PTPRD: variants seen among roughly 807,000 people sequenced by gnomAD.
PTPRD encodes the protein protein tyrosine phosphatase receptor type D, also known as receptor-type tyrosine-protein phosphatase delta.
A neutral mutation model predicts 214.5 loss-of-function variants in PTPRD; 34 were observed. The observed-to-expected ratio is 0.16, with a 90% CI of 0.12 to 0.21. The LOEUF is 0.21. Among genes scored for constraint, PTPRD ranks in the 10% least tolerant of loss-of-function variants. The pLI is 1.00. For synonymous variants in PTPRD, 1,128 were observed against 845.7 expected, an observed-to-expected ratio of 1.33 and a Z score of -5.79; for missense variants, 2,545 against 2,398.7, an observed-to-expected ratio of 1.06 and a Z score of -1.27.
intron 11 of PTPRD, among the ~76,000 whole-genome samples, chr9:8,973,366 T>C (rs2099250206): frequency 6.6e-6 from 1 of 152,076 alleles, no homozygotes; most frequent in Non-Finnish European, 1.5e-5. Context: ...ACCCCTAGCT[T>C]TAACCATGTT....
chr9:8,366,800 T>C (rs1362950145), intron 39 of PTPRD, among the ~76,000 whole-genome samples: 1 of 152,212 alleles, frequency 6.6e-6, no homozygotes, highest in East Asian at 1.9e-4. Flanking sequence ...CAAGTGTGAA[T>C]ACGAAGCAAT....
chr9:10,010,902 TC>T (rs2096585149), intron 4 of PTPRD, among the ~76,000 whole-genome samples: 1 of 151,808 alleles, frequency 6.6e-6, no homozygotes, highest in Non-Finnish European at 1.5e-5. Context: ...GAAAAAAAAA[TC>T]TAGGTAACAT....
At chr9:10,509,344 T>A (rs1258686180) in intron 2 of PTPRD, among the ~76,000 whole-genome samples, 1 of 151,648 alleles carries the variant, frequency 6.6e-6, no homozygotes, top group African/African-American at 2.4e-5. Flanking sequence ...TCATATTTGA[T>A]TCATAGATAT....
chr9:10,475,385 G>C (rs1202338293), intron 2 of PTPRD, among the ~76,000 whole-genome samples: 1 of 152,002 alleles, frequency 6.6e-6, no homozygotes, highest in Non-Finnish European at 1.5e-5. Flanking sequence ...GGAAAATGTA[G>C]AAGAAATGGA....
chr9:8,636,057 CT>C (rs2096422394), intron 13 of PTPRD, among the ~76,000 whole-genome samples: 1 of 152,176 alleles, frequency 6.6e-6, no homozygotes, highest in Non-Finnish European at 1.5e-5. Flanking sequence ...CAGAATAGTA[CT>C]TTAAAACACT....
chr9:10,271,581 C>T (rs1262257261), intron 3 of PTPRD, among the ~76,000 whole-genome samples: 3 of 146,704 alleles, frequency 2.0e-5, no homozygotes, highest in African/African-American at 5.0e-5. Flanking sequence ...CTTGCTCTGT[C>T]GCCCAGACCA....
intron 7 of PTPRD, among the ~76,000 whole-genome samples, chr9:9,719,692 A>G (rs565334030): frequency 6.6e-6 from 1 of 152,298 alleles, no homozygotes; most frequent in African/African-American, 2.4e-5. Flanking sequence ...GAAGGGCTGT[A>G]AACCTTCTGG....
intron 2 of PTPRD, among the ~76,000 whole-genome samples, chr9:10,361,469 A>T (rs1565538943): frequency 6.6e-6 from 1 of 152,152 alleles, no homozygotes; most frequent in Non-Finnish European, 1.5e-5. Flanking sequence ...TTTGAGTAGC[A>T]GAGTGGACAG....
chr9:10,253,559 C>A (rs1326950767), intron 3 of PTPRD, among the ~76,000 whole-genome samples: 1 of 152,140 alleles, frequency 6.6e-6, no homozygotes, highest in Non-Finnish European at 1.5e-5. Context: ...TGTCTGAATT[C>A]AAGATGCTAA....
At chr9:9,090,760 C>G in intron 10 of PTPRD, 1 of 633,868 alleles carries the variant, frequency 1.6e-6, no homozygotes. Flanking sequence ...TCAGTGATTT[C>G]AAGTTGCATC....
At chr9:8,787,454 C>G (rs2096032839) in intron 11 of PTPRD, among the ~76,000 whole-genome samples, 1 of 152,088 alleles carries the variant, frequency 6.6e-6, no homozygotes, top group Non-Finnish European at 1.5e-5. Flanking sequence ...TTCTCATTTT[C>G]CCCCAGTTGA....
intron 3 of PTPRD, among the ~76,000 whole-genome samples, chr9:10,207,005 G>C (rs939734679): frequency 6.6e-6 from 1 of 152,110 alleles, no homozygotes; most frequent in South Asian, 2.1e-4. Flanking sequence ...AATGTATACA[G>C]AGGGAAATAA....
chr9:8,678,702 G>A (rs1054854702), intron 12 of PTPRD, among the ~76,000 whole-genome samples: 1 of 152,046 alleles, frequency 6.6e-6, no homozygotes, highest in African/African-American at 2.4e-5. Context: ...TTTCTGAAAG[G>A]CACTGTGTTT....
chr9:9,155,170 T>C (rs2099880151), intron 10 of PTPRD, among the ~76,000 whole-genome samples: 1 of 152,304 alleles, frequency 6.6e-6, no homozygotes, highest in South Asian at 2.1e-4. Flanking sequence ...AAGGGTAACA[T>C]TCTCTTTTGA....
chr9:9,255,108 G>A (rs1348903825), intron 9 of PTPRD, among the ~76,000 whole-genome samples: 1 of 151,998 alleles, frequency 6.6e-6, no homozygotes, highest in Admixed American at 6.6e-5. Context: ...GTTAAATATA[G>A]GCTAGGCTTT....
chr9:9,625,545 G>A (rs2095397256), intron 7 of PTPRD, among the ~76,000 whole-genome samples: 1 of 145,428 alleles, frequency 6.9e-6, no homozygotes, highest in Non-Finnish European at 1.5e-5. Context: ...ACCAAATATT[G>A]TTCCTCTATT....
At chr9:10,054,569 C>G (rs7031253) in intron 3 of PTPRD, among the ~76,000 whole-genome samples, 2,745 of 152,130 alleles carry the variant, frequency 0.018, 82 homozygotes, top group East Asian at 0.095. Context: ...TCCCACAACC[C>G]AGAAAGGTCT....
chr9:9,612,261 G>A (rs1260201540), intron 7 of PTPRD, among the ~76,000 whole-genome samples: 1 of 152,042 alleles, frequency 6.6e-6, no homozygotes, highest in East Asian at 1.9e-4. Context: ...AGTTAGAAAG[G>A]TGGTCTTGAC....
rs868208789 is a variant in PTPRD, at chr9:8,786,185, T to C, written c.-103-52239A>G. Reference sequence around the variant, plus strand: ...TGGAAAATGGCCATGGAACCATTCATAAATTAACGACTCAGAGATAATTGA... The same window carrying C: ...TGGAAAATGGCCATGGAACCATTCACAAATTAACGACTCAGAGATAATTGA... On this transcript the variant is annotated intron_variant, in intron 11 of 45. Transcript: ENST00000381196. 4.6e-5 allele frequency among the ~76,000 whole-genome samples: 7 copies of C among 152,216 alleles called. No homozygotes were observed. In the Middle Eastern group the frequency reaches 0.01, roughly 222 times the overall value.
Sources: allele counts gnomAD v4.1 joint callset (sites outside exome capture counted in the v4.1 genomes callset), GRCh38; gene constraint gnomAD v4.1.1; transcripts MANE v1.5; gene names NCBI Gene and HGNC (gene_info 2026-07-23, HGNC 2026-07-21).